Variants in GALNTL6 observed in about 807,000 individuals in gnomAD.
GALNTL6 encodes the protein polypeptide N-acetylgalactosaminyltransferase like 6, also known as polypeptide N-acetylgalactosaminyltransferase-like 6.
Under a neutral mutation model 73.7 loss-of-function variants are expected in GALNTL6, and 46 were observed. The ratio of observed to expected loss-of-function variants is 0.62; its 90% CI spans 0.49 to 0.80. GALNTL6 has a LOEUF of 0.80. Ranked by LOEUF, GALNTL6 falls within the 30% of genes least tolerant of loss-of-function variation. The probability of loss-of-function intolerance (pLI) is 0.00; values close to 1 mark genes in which losing one functional copy is unlikely to be tolerated. For synonymous variants in GALNTL6, 259 were observed against 263.7 expected, an observed-to-expected ratio of 0.98 and a Z score of 0.17; for missense variants, 604 against 755.0, an observed-to-expected ratio of 0.80 and a Z score of 2.34.
intron 5 of GALNTL6, among the ~76,000 whole-genome samples, chr4:172,353,636 T>G (rs912302029): frequency 6.6e-6 from 1 of 152,048 alleles, no homozygotes; most frequent in Non-Finnish European, 1.5e-5. Context: ...AAACAAATAA[T>G]GTCTTTCAAA....
chr4:172,643,210 A>C (rs936444900), intron 5 of GALNTL6, among the ~76,000 whole-genome samples: 11 of 151,972 alleles, frequency 7.2e-5, no homozygotes, highest in Non-Finnish European at 1.5e-5. Context: ...GGTCTCTGAC[A>C]ACTGTACGTC....
chr4:172,551,275 T>C (rs1013460442), intron 5 of GALNTL6, among the ~76,000 whole-genome samples: 2 of 152,186 alleles, frequency 1.3e-5, no homozygotes, highest in Non-Finnish European at 2.9e-5. Flanking sequence ...CTTTATTTTC[T>C]AAGAATAAAT....
intron 10 of GALNTL6, among the ~76,000 whole-genome samples, chr4:172,972,095 G>A (rs1030504656): frequency 7.9e-5 from 12 of 152,172 alleles, no homozygotes; most frequent in African/African-American, 2.9e-4. Context: ...AAAAGAGACT[G>A]AGAAAGACAT....
intron 3 of GALNTL6, among the ~76,000 whole-genome samples, chr4:172,308,123 G>T (rs1331823909): frequency 7.4e-6 from 1 of 136,012 alleles, no homozygotes; most frequent in African/African-American, 2.7e-5. Flanking sequence ...TGTATTCATC[G>T]ATTTTGTATA....
chr4:172,810,720 T>C (rs1167985766), intron 6 of GALNTL6, among the ~76,000 whole-genome samples: 1 of 152,200 alleles, frequency 6.6e-6, no homozygotes, highest in Non-Finnish European at 1.5e-5. Flanking sequence ...CCAGTTATCC[T>C]AATCAACTGA....
chr4:172,579,755 C>A (rs943598388), intron 5 of GALNTL6, among the ~76,000 whole-genome samples: 12 of 139,608 alleles, frequency 8.6e-5, no homozygotes, highest in Admixed American at 7.0e-4. Flanking sequence ...TCAGGACTTT[C>A]AACTGGCAAC....
intron 5 of GALNTL6, among the ~76,000 whole-genome samples, chr4:172,461,943 G>A (rs909309797): frequency 3.9e-5 from 6 of 152,094 alleles, no homozygotes. Flanking sequence ...AGATGACCCT[G>A]CCCAATGTGA....
chr4:173,036,069 T>A (rs1381345906), intron 12 of GALNTL6, among the ~76,000 whole-genome samples: 1 of 152,212 alleles, frequency 6.6e-6, no homozygotes, highest in Non-Finnish European at 1.5e-5. Context: ...ATGTTACAGA[T>A]AAGTAACCTG....
intron 3 of GALNTL6, among the ~76,000 whole-genome samples, chr4:172,282,536 A>G (rs1561004827): frequency 6.6e-6 from 1 of 152,152 alleles, no homozygotes; most frequent in Non-Finnish European, 1.5e-5. Flanking sequence ...AGAGACTAGT[A>G]TGAGAAGAAT....
intron 2 of GALNTL6, among the ~76,000 whole-genome samples, chr4:172,068,438 T>G (rs1731421070): frequency 9.1e-6 from 1 of 110,376 alleles, no homozygotes; most frequent in East Asian, 2.1e-4. Context: ...TTCTATGTTC[T>G]AATCTCCAAT....
At chr4:172,513,673 T>C (rs1384518319) in intron 5 of GALNTL6, among the ~76,000 whole-genome samples, 1 of 152,116 alleles carries the variant, frequency 6.6e-6, no homozygotes, top group East Asian at 1.9e-4. Context: ...CAGCAATTGA[T>C]ATTTCTCTTC....
chr4:172,679,685 T>C (rs2118440), intron 5 of GALNTL6, among the ~76,000 whole-genome samples: 150,891 of 152,354 alleles, frequency 0.99, 74,737 homozygotes, highest in Middle Eastern at 1. Context: ...TTATTATCTA[T>C]TGTGCATAGT....
rs572402764 is a variant in GALNTL6 at position 172,955,560 on chromosome 4, C to T, written c.1371+3302C>T. ...AAGACTTTCAAAATGTTGACACATG[C>T]GATTTCTTTTGCCTTTCAGAGGATT... On this transcript the variant is annotated intron_variant, in intron 10 of 12. Coordinates refer to ENST00000506823, the MANE Select transcript of GALNTL6 (RefSeq NM_001034845.3). Among the ~76,000 whole-genome samples the T allele has an allele frequency of 1.3e-3, 202 of 152,146 alleles. 3 individuals are homozygous for T. Among genetic ancestry groups the T allele is most frequent in the South Asian group, 0.01 (49 of 4,810 alleles).
intron 2 of GALNTL6, among the ~76,000 whole-genome samples, chr4:171,817,818 T>G (rs1734560717): frequency 6.6e-6 from 1 of 151,608 alleles, no homozygotes. Flanking sequence ...TTAAAAGTTT[T>G]TTATGGTTTG....
intron 3 of GALNTL6, among the ~76,000 whole-genome samples, chr4:172,282,267 G>T (rs543619920): frequency 5.4e-4 from 82 of 152,188 alleles, no homozygotes; most frequent in African/African-American, 1.9e-3. Context: ...ATCCACGTAC[G>T]TATGAACATT....
intron 2 of GALNTL6, among the ~76,000 whole-genome samples, chr4:172,137,864 A>G (rs901659057): frequency 6.6e-6 from 1 of 152,160 alleles, no homozygotes; most frequent in Non-Finnish European, 1.5e-5. Context: ...TAGAATAGGA[A>G]ATCCAGTGAT....
chr4:172,580,817 T>A (rs996239704), intron 5 of GALNTL6, among the ~76,000 whole-genome samples: 1 of 152,254 alleles, frequency 6.6e-6, no homozygotes, highest in Admixed American at 6.5e-5. Context: ...TTCGCTCTTT[T>A]TGCCCAGACT....
At chr4:172,430,947 G>A (rs1731427835) in intron 5 of GALNTL6, among the ~76,000 whole-genome samples, 1 of 152,108 alleles carries the variant, frequency 6.6e-6, no homozygotes, top group African/African-American at 2.4e-5. Flanking sequence ...TACAAAACAG[G>A]TGTAATTAAA....
chr4:172,076,476 G>T (rs1242460784), intron 2 of GALNTL6, among the ~76,000 whole-genome samples: 1 of 152,122 alleles, frequency 6.6e-6, no homozygotes, highest in Non-Finnish European at 1.5e-5. Context: ...ACAAAGGGAA[G>T]ATATGAATTT....
Sources: gnomAD v4.1 joint callset for allele counts (sites outside exome capture counted in the v4.1 genomes callset) on GRCh38, gnomAD v4.1.1 for gene constraint, MANE v1.5 for transcripts, NCBI Gene and HGNC (gene_info 2026-07-23, HGNC 2026-07-21) for gene names.